SMG1: variants seen among roughly 807,000 people sequenced by gnomAD.
SMG1 encodes SMG1 nonsense mediated mRNA decay associated PI3K related kinase, also known as serine/threonine-protein kinase SMG1.
A neutral mutation model predicts 419.9 loss-of-function variants in SMG1; 22 were observed. The observed-to-expected ratio is 0.05, with a 90% CI of 0.04 to 0.07. The LOEUF is 0.07. Among genes scored for constraint, SMG1 ranks in the 10% least tolerant of loss-of-function variants. The pLI, the probability that SMG1 is intolerant of heterozygous loss-of-function variation, is 1.00. For synonymous variants in SMG1, 1,538 were observed against 1,553.5 expected (o/e 0.99, Z 0.23); for missense variants, 3,185 against 4,342.0 (o/e 0.73, Z 7.49).
At position 18,839,933 on chromosome 16, in the gene SMG1, T is replaced by C. The variant is rs755772090; in HGVS notation, c.6710A>G (p.Tyr2237Cys). ...AATTCCAGGATTCTGAGGAGTTTGGTAGGAATCTTGGGCCTTAAGAAAAAA... is the reference window on the plus strand; with the variant it reads ...AATTCCAGGATTCTGAGGAGTTTGGCAGGAATCTTGGGCCTTAAGAAAAAA... ...ALQAQKAQDS[Y>C]QTPQNPGIVP... Residue 2237 changes from tyrosine (Y) to cysteine (C), a missense_variant, in exon 42 of 63, where the codon TAC becomes TGC. Physicochemically the swap from Tyr to Cys is radical, Grantham distance 194. This residue lies in a region of SMG1 where 132 missense variants were observed against 151.0 expected (regional missense o/e 0.87). Coordinates refer to ENST00000446231, the MANE Select transcript of SMG1 (RefSeq NM_015092.5). 21 of 1,593,720 alleles carry C rather than the reference T, an allele frequency of 1.3e-5. No homozygotes were observed. In the Middle Eastern group the frequency reaches 8.3e-4, roughly 63 times the overall value.
chr16:18,815,086 T>G (rs2031876147), intron 60 of SMG1, 89 bp downstream of exon 60: 1 of 838,880 alleles, frequency 1.2e-6, no homozygotes, highest in South Asian at 1.7e-5. Context: ...GCCTTAAGTG[T>G]TTAATATTAG....
At chr16:18,848,911 A>G (rs1056225827) in intron 36 of SMG1, among the ~76,000 whole-genome samples, 13 of 151,652 alleles carry the variant, frequency 8.6e-5, no homozygotes, top group African/African-American at 2.9e-4. Flanking sequence ...ACTCTACTGA[A>G]AGTACAAAAA....
rs2035200758 is a variant in SMG1, at chr16:18,861,205, T to TCA, written c.3696-431_3696-430dup. 1.4e-5 allele frequency: 2 copies of TCA among 146,502 alleles called. 1 individual carries two copies. The highest frequency in any genetic ancestry group is 1.4e-4 in the Admixed American group (2 of 14,582). 9.1% of individuals were successfully genotyped at this position (146,502 alleles called of 1,614,324 possible). ...GAGCCCTTGCACAGCTCTCCCAGCATCACAATCTTGTATCTCAGTCCTGGC... is the reference window on the plus strand; with the variant it reads ...GAGCCCTTGCACAGCTCTCCCAGCATCACACAATCTTGTATCTCAGTCCTGGC... On this transcript the variant is annotated intron_variant, in intron 25 of 62. Transcript: ENST00000446231.
intron 31 of SMG1, 81 bp from the exon 32 acceptor site, chr16:18,852,543 T>A: frequency 8.0e-7 from 1 of 1,246,298 alleles, no homozygotes; most frequent in Non-Finnish European, 1.1e-6. Context: ...ACATTTCCAT[T>A]AGCATTTTAG....
chr16:18,862,338 T>C (rs947287061), intron 25 of SMG1, among the ~76,000 whole-genome samples: 9 of 152,210 alleles, frequency 5.9e-5, no homozygotes, highest in South Asian at 4.1e-4. Context: ...GGCCTGCCTT[T>C]CTCTTCACTC....
At chr16:18,879,114 C>G (rs1596581286) in intron 11 of SMG1, 1 of 288,718 alleles carries the variant, frequency 3.5e-6, no homozygotes, top group East Asian at 8.9e-5. Context: ...AAGCAAAGCC[C>G]TTATTTTTTT....
intron 1 of SMG1, among the ~76,000 whole-genome samples, chr16:18,913,586 C>T (rs2037865739): frequency 6.6e-6 from 1 of 151,750 alleles, no homozygotes; most frequent in South Asian, 2.1e-4. Context: ...ATTAGTGGAG[C>T]CTTTTTTCTA....
chr16:18,816,574 TA>T lies in SMG1; in HGVS notation c.10075-46del, dbSNP rs768420864. 33 of 1,507,274 alleles carry T rather than the reference TA, an allele frequency of 2.2e-5. No individual in the cohort carries two copies. The Admixed American group carries it at 3.6e-4, about 17-fold the overall frequency. The allele number at this position is 1,507,274 out of a possible 1,614,324, so 93.4% of individuals were successfully genotyped here. A position where few individuals can be genotyped will look rare whatever the true frequency, so the allele number is the denominator to read the frequency against. ...GTTTGACTTCGAGTATCAGCTGAAA[TA>T]ATGAGTTCTTTCTTCATTAACATCA... On this transcript the variant is annotated intron_variant, in intron 57 of 62. Transcript: ENST00000446231.
chr16:18,812,417 T>C (rs767537995), intron 60 of SMG1, among the ~76,000 whole-genome samples: 21 of 152,060 alleles, frequency 1.4e-4, no homozygotes, highest in Non-Finnish European at 2.4e-4. Flanking sequence ...TTGGGGAGGC[T>C]GAAGTGGGCG....
intron 1 of SMG1, among the ~76,000 whole-genome samples, chr16:18,903,353 C>T (rs9934383): frequency 0.18 from 28,000 of 152,040 alleles, 2,665 homozygotes; most frequent in Middle Eastern, 0.25. Context: ...GAAAGTACCC[C>T]CTCACATCCA....
rs759782678 is a variant in SMG1, at chr16:18,829,767, A to G, written c.9134-12T>C. ...AAGTGAACTTGATCCTACAAAAAGG[A>G]AAAATTTCTTGTATTTCATGAAAAA... On this transcript the variant is annotated splice_polypyrimidine_tract_variant and intron_variant, in intron 53 of 62. Coordinates refer to ENST00000446231, the MANE Select transcript of SMG1 (RefSeq NM_015092.5). The G allele has an allele frequency of 8.2e-6, 13 of 1,580,410 alleles. No individual in the cohort carries two copies. Among genetic ancestry groups the G allele is most frequent in the East Asian group, 2.3e-5 (1 of 44,386 alleles).
At position 18,860,647 on chromosome 16, in the gene SMG1, A is replaced by G. The variant is rs752831777; in HGVS notation, c.3805+20T>C. ...GCAACTTGTCCACTAAAATAACTTT[A>G]AAACTATTTTCTCAAATACCTATTT... On this transcript the variant is annotated intron_variant, in intron 26 of 62. Transcript: ENST00000446231. 3.5e-6 allele frequency: 4 copies of G among 1,157,930 alleles called. No individual in the cohort carries two copies. The highest frequency in any genetic ancestry group is 3.0e-5 in the African/African-American group (2 of 65,980). 71.7% of individuals were successfully genotyped at this position (1,157,930 alleles called of 1,614,324 possible). A position where few individuals can be genotyped will look rare whatever the true frequency, so the allele number is the denominator to read the frequency against.
intron 33 of SMG1, among the ~76,000 whole-genome samples, chr16:18,850,686 C>G (rs751303773): frequency 7.9e-5 from 12 of 152,126 alleles, no homozygotes; most frequent in Non-Finnish European, 1.8e-4. Context: ...TTAGCAAAGA[C>G]TAGACTTTTC....
intron 22 of SMG1, 84 bp from the exon 23 acceptor site, chr16:18,866,859 C>G (rs991479086): frequency 2.0e-5 from 20 of 976,112 alleles, no homozygotes; most frequent in Non-Finnish European, 3.1e-5. Context: ...CAGTCTGTGC[C>G]TGCTTAAAGC....
intron 22 of SMG1, among the ~76,000 whole-genome samples, chr16:18,867,460 G>C (rs1253915208): frequency 1.3e-5 from 2 of 151,422 alleles, no homozygotes; most frequent in African/African-American, 4.9e-5. Flanking sequence ...AGAGGCAGAG[G>C]TTACAGTGAG....
At chr16:18,820,283 AC>A (rs2032405908) in intron 55 of SMG1, among the ~76,000 whole-genome samples, 1 of 151,536 alleles carries the variant, frequency 6.6e-6, no homozygotes, top group African/African-American at 2.4e-5. Context: ...GCTCACTGCA[AC>A]CCCCGCCTCC....
At chr16:18,909,891 C>G (rs559625965) in intron 1 of SMG1, among the ~76,000 whole-genome samples, 12 of 152,200 alleles carry the variant, frequency 7.9e-5, no homozygotes, top group Non-Finnish European at 1.8e-4. Context: ...TTTAAACCCA[C>G]AGTCTACACA....
intron 1 of SMG1, among the ~76,000 whole-genome samples, chr16:18,919,269 G>A (rs1008012086): frequency 1.3e-5 from 2 of 151,954 alleles, no homozygotes; most frequent in Non-Finnish European, 2.9e-5. Context: ...CGAGGTTGCA[G>A]TGAGCCAAGA....
chr16:18,910,900 C>T (rs2037767249), intron 1 of SMG1, among the ~76,000 whole-genome samples: 2 of 152,078 alleles, frequency 1.3e-5, no homozygotes, highest in Admixed American at 6.6e-5. Flanking sequence ...AGCAATTCAT[C>T]GTTCAACTGG....
Sources: allele counts gnomAD v4.1 joint callset (sites outside exome capture counted in the v4.1 genomes callset), GRCh38; gene constraint gnomAD v4.1.1; regional missense constraint gnomAD v4.1.1; transcripts MANE v1.5; gene names NCBI Gene and HGNC (gene_info 2026-07-23, HGNC 2026-07-21).